CCDC6: variants seen among roughly 807,000 people sequenced by gnomAD.
CCDC6 encodes the protein coiled-coil domain-containing protein 6.
Under a neutral mutation model 56.6 loss-of-function variants are expected in CCDC6, and 20 were observed. The observed-to-expected ratio is 0.35, with a 90% CI of 0.25 to 0.51. The LOEUF (loss-of-function observed/expected upper bound fraction) is 0.51, where lower values mean the gene tolerates loss of function less well. Ranked by LOEUF, CCDC6 falls within the 20% of genes least tolerant of loss-of-function variation. The pLI is 0.95. For missense variants in CCDC6, 367 were observed against 601.1 expected, an observed-to-expected ratio of 0.61 and a Z score of 4.07; for synonymous variants, 241 against 234.4, an observed-to-expected ratio of 1.03 and a Z score of -0.26.
At chr10:59,889,526 C>T (rs1420829522) in intron 1 of CCDC6, among the ~76,000 whole-genome samples, 1 of 152,198 alleles carries the variant, frequency 6.6e-6, no homozygotes, top group Non-Finnish European at 1.5e-5. Context: ...AGGCCAAACA[C>T]AGTCAGTTCC....
intron 5 of CCDC6, among the ~76,000 whole-genome samples, chr10:59,808,610 T>G (rs2070646544): frequency 6.6e-6 from 1 of 152,212 alleles, no homozygotes; most frequent in Non-Finnish European, 1.5e-5. Context: ...ACAAATTCAG[T>G]GGCCATGAGC....
At chr10:59,886,860 A>C (rs943003746) in intron 1 of CCDC6, among the ~76,000 whole-genome samples, 3 of 152,194 alleles carry the variant, frequency 2.0e-5, no homozygotes, top group Non-Finnish European at 4.4e-5. Flanking sequence ...AAAGAATACA[A>C]ATGGCTCTTA....
chr10:59,849,643 T>C (rs1285104241), intron 2 of CCDC6, among the ~76,000 whole-genome samples: 3 of 152,158 alleles, frequency 2.0e-5, no homozygotes, highest in Non-Finnish European at 2.9e-5. Flanking sequence ...GTATATAGCC[T>C]CTCAGTGGCC....
chr10:59,798,176 C>G (rs1430545139), intron 7 of CCDC6, among the ~76,000 whole-genome samples: 1 of 152,204 alleles, frequency 6.6e-6, no homozygotes, highest in Non-Finnish European at 1.5e-5. Context: ...AACAGAGGAG[C>G]TGTCTGGGGA....
chr10:59,827,973 C>G (rs2132641234), intron 3 of CCDC6, among the ~76,000 whole-genome samples: 1 of 152,292 alleles, frequency 6.6e-6, no homozygotes, highest in Non-Finnish European at 1.5e-5. Context: ...TCTTCCCCAT[C>G]AGATAATTTT....
In CCDC6 at chr10:59,833,632, C is replaced by T. The variant is rs2070852161; in HGVS notation, c.454-979G>A. Among the ~76,000 whole-genome samples, 3 of 63,192 alleles carry T rather than the reference C, an allele frequency of 4.7e-5. No individual in the cohort carries two copies. In the Admixed American group the frequency reaches 6.4e-4, roughly 14 times the overall value. The allele number at this position is 63,192 out of a possible 152,430, so 41.5% of individuals were successfully genotyped here. A position where few individuals can be genotyped will look rare whatever the true frequency, so the allele number is the denominator to read the frequency against. ...ATAATCGCGCGTTATTTTTATAACA[C>T]TCTCAACTGGGGGGGGGGGGGGTTT... On this transcript the variant is annotated intron_variant, in intron 2 of 8. Coordinates refer to ENST00000263102, the MANE Select transcript of CCDC6 (RefSeq NM_005436.5).
intron 1 of CCDC6, among the ~76,000 whole-genome samples, chr10:59,859,184 A>T (rs2071103472): frequency 2.3e-5 from 3 of 131,048 alleles, no homozygotes; most frequent in Admixed American, 8.0e-5. Context: ...CTGGAAAAAA[A>T]AATACATGTG....
chr10:59,818,933 G>A (rs188250604), intron 3 of CCDC6, among the ~76,000 whole-genome samples: 2 of 152,270 alleles, frequency 1.3e-5, no homozygotes, highest in East Asian at 3.9e-4. Flanking sequence ...GGGAGGAGGT[G>A]CTCCTTACAA....
intron 1 of CCDC6, among the ~76,000 whole-genome samples, chr10:59,895,859 TGG>T (rs1420797791): frequency 2.0e-5 from 3 of 152,182 alleles, no homozygotes; most frequent in Admixed American, 6.5e-5. Context: ...TTAGGCCATG[TGG>T]TATCAGCACA....
At chr10:59,795,066 G>T (rs1292200920) in intron 7 of CCDC6, among the ~76,000 whole-genome samples, 1 of 147,686 alleles carries the variant, frequency 6.8e-6, no homozygotes, top group East Asian at 2.0e-4. Context: ...TGATTTCTTG[G>T]ATATGACATA....
At chr10:59,875,154 C>T (rs1481518026) in intron 1 of CCDC6, among the ~76,000 whole-genome samples, 8 of 152,138 alleles carry the variant, frequency 5.3e-5, no homozygotes. Flanking sequence ...CCAAATTTTG[C>T]TTTAAAGGTT....
Position 59,862,564 on chromosome 10 carries a change from T to TACAC in CCDC6, c.304-9866_304-9863dup, listed in dbSNP as rs1317655013. Among the ~76,000 whole-genome samples the TACAC allele has an allele frequency of 1.4e-3, 155 of 109,402 alleles. 4 individuals carry two copies. The highest frequency in any genetic ancestry group is 3.5e-3 in the African/African-American group (73 of 20,638). 71.8% of individuals were successfully genotyped at this position (109,402 alleles called of 152,430 possible). A position where few individuals can be genotyped will look rare whatever the true frequency, so the allele number is the denominator to read the frequency against. ...ACACACACACACACACACATATATATACACATACACACACACACACATATA... is the reference window on the plus strand; with the variant it reads ...ACACACACACACACACACATATATATACACACACATACACACACACACACATATA... On this transcript the variant is annotated intron_variant, in intron 1 of 8. Transcript: ENST00000263102.
chr10:59,836,517 A>G (rs2070884338), intron 2 of CCDC6, among the ~76,000 whole-genome samples: 1 of 152,260 alleles, frequency 6.6e-6, no homozygotes, highest in Admixed American at 6.5e-5. Flanking sequence ...CAATAAAGTC[A>G]AAGATCCTGA....
chr10:59,899,050 T>A (rs1196954138), intron 1 of CCDC6, among the ~76,000 whole-genome samples: 1 of 152,200 alleles, frequency 6.6e-6, no homozygotes, highest in Non-Finnish European at 1.5e-5. Flanking sequence ...AGGGTTGGAA[T>A]AGACTTCACA....
At chr10:59,852,501 C>T in intron 2 of CCDC6, 52 bp downstream of exon 2, 1 of 1,467,124 alleles carries the variant, frequency 6.8e-7, no homozygotes, top group Non-Finnish European at 9.1e-7. Context: ...GTCATTTTCT[C>T]CTAGAAAGGA....
intron 7 of CCDC6, among the ~76,000 whole-genome samples, chr10:59,795,753 TA>T (rs750920523): frequency 3.3e-5 from 5 of 151,940 alleles, no homozygotes; most frequent in Non-Finnish European, 5.9e-5. Flanking sequence ...TGCGATAGTT[TA>T]CTGAGAATGA....
rs542388853 is a variant in CCDC6, at chr10:59,830,601, G to A, written c.582+1924C>T. Among the ~76,000 whole-genome samples, 175 of 152,208 alleles carry A rather than the reference G, an allele frequency of 1.1e-3. 1 individual carries two copies. Among genetic ancestry groups the A allele is most frequent in the African/African-American group, 4.1e-3 (172 of 41,536 alleles). ...CTTTGCATTAAACATATTTTATTGTGGAAATCTATTTCTTTACCATCGAGG... is the reference window on the plus strand; with the variant it reads ...CTTTGCATTAAACATATTTTATTGTAGAAATCTATTTCTTTACCATCGAGG... On this transcript the variant is annotated intron_variant, in intron 3 of 8. Transcript: ENST00000263102.
chr10:59,904,495 A>C, intron 1 of CCDC6, among the ~76,000 whole-genome samples: 1 of 152,184 alleles, frequency 6.6e-6, no homozygotes, highest in East Asian at 1.9e-4. Flanking sequence ...CACAGTCTCC[A>C]AGAGACTAAC....
chr10:59,875,778 C>T (rs1246847381), intron 1 of CCDC6, among the ~76,000 whole-genome samples: 2 of 152,140 alleles, frequency 1.3e-5, no homozygotes, highest in African/African-American at 4.8e-5. Context: ...AAGACAGAGA[C>T]CTCTGTATGC....
Sources: gnomAD v4.1 joint callset for allele counts (sites outside exome capture counted in the v4.1 genomes callset) on GRCh38, gnomAD v4.1.1 for gene constraint, MANE v1.5 for transcripts, NCBI Gene and HGNC (gene_info 2026-07-23, HGNC 2026-07-21) for gene names.